SORCS3: variants seen among roughly 807,000 people sequenced by gnomAD.
SORCS3 encodes the protein VPS10 domain-containing receptor SorCS3.
Under a neutral mutation model 146.3 loss-of-function variants are expected in SORCS3, and 57 were observed. That is an observed-to-expected ratio of 0.39 (90% confidence interval 0.31 to 0.49). SORCS3 has a LOEUF of 0.49. SORCS3 is among the 20% of genes least tolerant of loss of function. SORCS3 has a pLI of 0.92. For synonymous variants in SORCS3, 653 were observed against 618.5 expected, an observed-to-expected ratio of 1.06 and a Z score of -0.83; for missense variants, 1,341 against 1,575.5, an observed-to-expected ratio of 0.85 and a Z score of 2.52.
chr10:105,174,819 C>T (rs1251297959), intron 13 of SORCS3, among the ~76,000 whole-genome samples: 4 of 152,132 alleles, frequency 2.6e-5, no homozygotes, highest in Admixed American at 2.6e-4. Context: ...TGATCATCTA[C>T]AATTTCTCTC....
chr10:104,712,369 G>A (rs532332038), intron 1 of SORCS3, among the ~76,000 whole-genome samples: 80 of 152,258 alleles, frequency 5.3e-4, no homozygotes, highest in African/African-American at 1.6e-3. Flanking sequence ...TCTATTTAAC[G>A]ATTCTCTGTC....
chr10:105,053,737 T>C (rs1379069693), intron 5 of SORCS3, among the ~76,000 whole-genome samples: 3 of 152,096 alleles, frequency 2.0e-5, no homozygotes, highest in Non-Finnish European at 4.4e-5. Flanking sequence ...TATTGAATTA[T>C]ATTCTAATCT....
chr10:104,850,606 G>A, intron 2 of SORCS3, among the ~76,000 whole-genome samples: 1 of 152,086 alleles, frequency 6.6e-6, no homozygotes, highest in Non-Finnish European at 1.5e-5. Flanking sequence ...AAAGCTCCTT[G>A]GTTGATTCTG....
chr10:104,646,060 A>G (rs1303429647), intron 1 of SORCS3, among the ~76,000 whole-genome samples: 1 of 152,228 alleles, frequency 6.6e-6, no homozygotes, highest in East Asian at 1.9e-4. Flanking sequence ...AAACCATCTC[A>G]GTTGAGATGT....
chr10:105,086,387 A>G (rs887551458), intron 5 of SORCS3, among the ~76,000 whole-genome samples: 3 of 152,122 alleles, frequency 2.0e-5, no homozygotes, highest in Non-Finnish European at 4.4e-5. Context: ...GTGCTGGAGG[A>G]TGTGTGATCT....
At chr10:105,056,234 A>G (rs2055444996) in intron 5 of SORCS3, among the ~76,000 whole-genome samples, 1 of 151,972 alleles carries the variant, frequency 6.6e-6, no homozygotes, top group Non-Finnish European at 1.5e-5. Context: ...GCGTTTCTCA[A>G]CCTCTATGTT....
At chr10:104,856,765 C>T (rs1019176735) in intron 2 of SORCS3, among the ~76,000 whole-genome samples, 8 of 141,400 alleles carry the variant, frequency 5.7e-5, no homozygotes, top group African/African-American at 1.6e-4. Context: ...ATATAATATA[C>T]ATATAATATA....
At chr10:105,089,368 G>A (rs753524984) in intron 5 of SORCS3, among the ~76,000 whole-genome samples, 16 of 152,162 alleles carry the variant, frequency 1.1e-4, no homozygotes, top group Non-Finnish European at 1.6e-4. Context: ...AAAGTGGGAG[G>A]GCAGAGGAGG....
At position 105,229,884 on chromosome 10, in the gene SORCS3, G is replaced by T. The variant is rs143836852; in HGVS notation, c.2868+6635G>T. On this transcript the variant is annotated intron_variant, in intron 20 of 26. Transcript: ENST00000369701. ...AGTGGTGCACCAGGTGGGTGAGTGG[G>T]TTCTGTGCCCCTTGGGCAGGAGGTG... 6.7e-3 allele frequency among the ~76,000 whole-genome samples: 1,020 copies of T among 152,300 alleles called. 15 individuals carry two copies. Among genetic ancestry groups the T allele is most frequent in the African/African-American group, 0.023 (948 of 41,572 alleles).
intron 1 of SORCS3, among the ~76,000 whole-genome samples, chr10:104,751,967 AT>A (rs2016992976): frequency 1.6e-5 from 2 of 128,016 alleles, no homozygotes; most frequent in Non-Finnish European, 3.3e-5. Context: ...ATATATATAT[AT>A]AATAGTTTAG....
chr10:105,175,229 T>C (rs1407262497), intron 13 of SORCS3, among the ~76,000 whole-genome samples: 2 of 149,754 alleles, frequency 1.3e-5, no homozygotes, highest in African/African-American at 5.0e-5. Flanking sequence ...TTTTTTTTTT[T>C]TTTTTGTATT....
intron 1 of SORCS3, among the ~76,000 whole-genome samples, chr10:104,840,079 T>C (rs1211938787): frequency 6.6e-6 from 1 of 152,110 alleles, no homozygotes; most frequent in African/African-American, 2.4e-5. Context: ...GGAGCAGCTT[T>C]TGTGGGGTGT....
intron 1 of SORCS3, among the ~76,000 whole-genome samples, chr10:104,831,078 G>A (rs915595303): frequency 5.3e-5 from 8 of 152,052 alleles, no homozygotes; most frequent in East Asian, 1.9e-4. Flanking sequence ...CTCTCACCTC[G>A]GCCTCCTAAA....
chr10:104,731,894 C>G (rs1373660785), intron 1 of SORCS3, among the ~76,000 whole-genome samples: 1 of 152,174 alleles, frequency 6.6e-6, no homozygotes, highest in African/African-American at 2.4e-5. Flanking sequence ...GACATTGATC[C>G]CACCTTCCAG....
At chr10:104,830,374 C>G (rs1204213717) in intron 1 of SORCS3, among the ~76,000 whole-genome samples, 1 of 152,146 alleles carries the variant, frequency 6.6e-6, no homozygotes, top group Admixed American at 6.5e-5. Flanking sequence ...GGAACCATCA[C>G]GTGACTGCCT....
At chr10:105,045,727 A>T (rs1305185259) in intron 5 of SORCS3, among the ~76,000 whole-genome samples, 1 of 152,178 alleles carries the variant, frequency 6.6e-6, no homozygotes, top group African/African-American at 2.4e-5. Flanking sequence ...TCCCTCATCC[A>T]TCTAATGGGA....
intron 1 of SORCS3, among the ~76,000 whole-genome samples, chr10:104,809,751 G>A (rs1345544035): frequency 2.6e-5 from 4 of 152,178 alleles, no homozygotes; most frequent in Non-Finnish European, 5.9e-5. Flanking sequence ...CATTTAATGA[G>A]CATTATTTTG....
At chr10:104,642,013 G>T (rs1337772871) in intron 1 of SORCS3, 59 bp downstream of exon 1, 1 of 1,404,048 alleles carries the variant, frequency 7.1e-7, no homozygotes, top group Admixed American at 2.5e-5. Flanking sequence ...GGAATGGGGG[G>T]GTGGGTGGGA....
intron 20 of SORCS3, among the ~76,000 whole-genome samples, chr10:105,227,868 C>T (rs1424960329): frequency 2.0e-5 from 3 of 151,220 alleles, no homozygotes; most frequent in Admixed American, 2.0e-4. Context: ...TATAGCTACT[C>T]CTGCTAATTT....
Sources: gnomAD v4.1 joint callset for allele counts (sites outside exome capture counted in the v4.1 genomes callset) on GRCh38, gnomAD v4.1.1 for gene constraint, MANE v1.5 for transcripts, NCBI Gene and HGNC (gene_info 2026-07-23, HGNC 2026-07-21) for gene names.